Variants in EPHA4 observed in about 807,000 individuals in gnomAD.
EPHA4 encodes ephrin type-A receptor 4.
In EPHA4, 19 loss-of-function variants were observed where a neutral mutation model predicts 108.3. The observed-to-expected ratio is 0.18, with a 90% CI of 0.12 to 0.26. EPHA4 has a LOEUF of 0.26. EPHA4 is among the 10% of genes least tolerant of loss of function. The pLI is 1.00. For missense variants in EPHA4, 917 were observed against 1,254.0 expected (o/e 0.73, Z 4.06); for synonymous variants, 449 against 455.5 (o/e 0.99, Z 0.18).
intron 8 of EPHA4, among the ~76,000 whole-genome samples, chr2:221,452,711 A>AT (rs3835972): frequency 0.74 from 111,476 of 150,078 alleles, 41,945 homozygotes; most frequent in East Asian, 0.88. Flanking sequence ...GGGAAGTGAC[A>AT]TTTTTTTTTT....
chr2:221,438,698 T>C (rs1690323442), intron 11 of EPHA4, among the ~76,000 whole-genome samples: 1 of 151,928 alleles, frequency 6.6e-6, no homozygotes. Context: ...GACAAGAGAA[T>C]CACTTGAGCC....
At chr2:221,475,503 T>C (rs1691626864) in intron 5 of EPHA4, among the ~76,000 whole-genome samples, 1 of 152,232 alleles carries the variant, frequency 6.6e-6, no homozygotes, top group Non-Finnish European at 1.5e-5. Context: ...AGTATTTCAA[T>C]AGCTTCTCAA....
At chr2:221,525,977 C>T (rs1693312032) in intron 3 of EPHA4, among the ~76,000 whole-genome samples, 1 of 152,160 alleles carries the variant, frequency 6.6e-6, no homozygotes. Flanking sequence ...CAACTGGTTA[C>T]ATAGCCAAAG....
intron 3 of EPHA4, among the ~76,000 whole-genome samples, chr2:221,511,923 C>T (rs1692845288): frequency 1.3e-5 from 2 of 152,068 alleles, no homozygotes; most frequent in Admixed American, 6.6e-5. Context: ...TTCAATATTG[C>T]CTTATAAAAC....
At position 221,537,500 on chromosome 2, in the gene EPHA4, C is replaced by T. The variant is rs558989963; in HGVS notation, c.823+26231G>A. ...GAACTAAGCACATTTAAAAAGAAGGCCCCAGGCCTGGCACAGTGGCTCACA... is the reference window on the plus strand; with the variant it reads ...GAACTAAGCACATTTAAAAAGAAGGTCCCAGGCCTGGCACAGTGGCTCACA... On this transcript the variant is annotated intron_variant, in intron 3 of 17. Coordinates refer to ENST00000281821, the MANE Select transcript of EPHA4 (RefSeq NM_004438.5). Among the ~76,000 whole-genome samples the T allele has an allele frequency of 5.9e-5, 9 of 152,292 alleles. No individual in the cohort carries two copies. In the South Asian group the frequency reaches 1.2e-3, roughly 21 times the overall value.
chr2:221,520,866 A>C (rs547812795), intron 3 of EPHA4, among the ~76,000 whole-genome samples: 1 of 152,326 alleles, frequency 6.6e-6, no homozygotes, highest in East Asian at 1.9e-4. Flanking sequence ...CACTTTTAGC[A>C]TGAATTTTTA....
At chr2:221,512,154 AC>A (rs1371494423) in intron 3 of EPHA4, among the ~76,000 whole-genome samples, 1 of 152,228 alleles carries the variant, frequency 6.6e-6, no homozygotes, top group Non-Finnish European at 1.5e-5. Context: ...TTTTTAAGTC[AC>A]AAAAGCCAAG....
Position 221,547,636 on chromosome 2 carries a change from C to T in EPHA4, c.823+16095G>A, listed in dbSNP as rs139847298. Among the ~76,000 whole-genome samples, 194 of 152,262 alleles carry T rather than the reference C, an allele frequency of 1.3e-3. 1 individual carries two copies. Among genetic ancestry groups the T allele is most frequent in the Admixed American group, 5.3e-3 (81 of 15,300 alleles). On this transcript the variant is annotated intron_variant, in intron 3 of 17. Coordinates refer to ENST00000281821, the MANE Select transcript of EPHA4 (RefSeq NM_004438.5). ...TATCTGAAAAATGTTAGAATAATTA[C>T]GGGGCACTCTTAACAAGTCAATCAC...
At chr2:221,488,466 G>A (rs573048118) in intron 4 of EPHA4, among the ~76,000 whole-genome samples, 99 of 152,262 alleles carry the variant, frequency 6.5e-4, no homozygotes, top group Admixed American at 4.1e-3. Context: ...TCATTGCTCT[G>A]AAAGAAACGG....
At chr2:221,434,052 T>A (rs1234299660) in intron 14 of EPHA4, 90 bp downstream of exon 14, 19 of 1,397,224 alleles carry the variant, frequency 1.4e-5, no homozygotes, top group Non-Finnish European at 1.7e-5. Context: ...AATGTATCAT[T>A]TCAAACCCCG....
chr2:221,531,979 C>T (rs1286073935), intron 3 of EPHA4, among the ~76,000 whole-genome samples: 1 of 152,170 alleles, frequency 6.6e-6, no homozygotes. Context: ...GGACCTGCAG[C>T]CCCATCACTG....
chr2:221,457,363 A>G (rs1690991125), intron 6 of EPHA4, among the ~76,000 whole-genome samples: 2 of 152,176 alleles, frequency 1.3e-5, no homozygotes, highest in Admixed American at 1.3e-4. Context: ...GAGGCTGAAG[A>G]ATGTGATTTT....
chr2:221,548,422 G>GTGAA (rs1461628355), intron 3 of EPHA4, among the ~76,000 whole-genome samples: 3 of 151,882 alleles, frequency 2.0e-5, no homozygotes, highest in Non-Finnish European at 4.4e-5. Flanking sequence ...CTCTCACCAT[G>GTGAA]TGAATGCCTG....
chr2:221,474,503 C>T (rs1345872527), intron 5 of EPHA4, among the ~76,000 whole-genome samples: 1 of 151,784 alleles, frequency 6.6e-6, no homozygotes, highest in Non-Finnish European at 1.5e-5. Flanking sequence ...GATCCCATGG[C>T]TAGACCAGAG....
chr2:221,444,744 CTTTTTTTTTTTTTTTTT>C (rs71266317), intron 9 of EPHA4, among the ~76,000 whole-genome samples: 2 of 74,982 alleles, frequency 2.7e-5, no homozygotes, highest in African/African-American at 4.9e-5. Context: ...TTTTTTCTAT[CTTTTTTTTTTTTTTTTT>C]TTTTTTTTTT....
At position 221,571,605 on chromosome 2, in the gene EPHA4, C is replaced by T. The variant is rs1694841045; in HGVS notation, c.91+553G>A. ...GGAGAAAGGTGTCTGACTCCGGGTGCTAGAAATCAGGTCACTGGCGCCTGA... is the reference window on the plus strand; with the variant it reads ...GGAGAAAGGTGTCTGACTCCGGGTGTTAGAAATCAGGTCACTGGCGCCTGA... On this transcript the variant is annotated intron_variant, in intron 1 of 17. Transcript: ENST00000281821. This position sits in a 1 kb window ranked among gnomAD's most constrained non-coding sequence, Gnocchi z 6.3. Among the ~76,000 whole-genome samples the T allele has an allele frequency of 6.6e-6, 1 of 152,186 alleles. No homozygotes were observed. Among genetic ancestry groups the T allele is most frequent in the South Asian group, 2.1e-4 (1 of 4,832 alleles).
chr2:221,564,501 T>A, intron 2 of EPHA4, 107 bp from the exon 3 acceptor site: 1 of 1,103,384 alleles, frequency 9.1e-7, no homozygotes, highest in Non-Finnish European at 1.3e-6. Context: ...CTTTCAATAA[T>A]GAAGCAAACT....
intron 4 of EPHA4, among the ~76,000 whole-genome samples, chr2:221,491,602 C>G (rs1375085749): frequency 1.3e-5 from 2 of 152,030 alleles, no homozygotes; most frequent in Non-Finnish European, 1.5e-5. Context: ...CTCAGTTCAC[C>G]CCAGAGTTCA....
intron 5 of EPHA4, among the ~76,000 whole-genome samples, chr2:221,475,126 C>A (rs961260324): frequency 2.0e-5 from 3 of 152,184 alleles, no homozygotes; most frequent in African/African-American, 7.2e-5. Flanking sequence ...TCGCCCTAGC[C>A]TCCCAAAGTA....
Sources: allele counts gnomAD v4.1 joint callset (sites outside exome capture counted in the v4.1 genomes callset), GRCh38; gene constraint gnomAD v4.1.1; non-coding constraint Gnocchi (gnomAD v3.1); transcripts MANE v1.5; gene names NCBI Gene and HGNC (gene_info 2026-07-23, HGNC 2026-07-21).